The following CYP19A1 variants were observed in gnomAD, a reference collection of about 807,000 sequenced individuals.
The protein encoded by CYP19A1 is cytochrome P450 family 19 subfamily A member 1, also known as aromatase.
Under a neutral mutation model 44.4 loss-of-function variants are expected in CYP19A1, and 32 were observed. That is an observed-to-expected ratio of 0.72 (90% CI 0.54 to 0.97). The LOEUF (loss-of-function observed/expected upper bound fraction) is 0.97, where lower values mean the gene tolerates loss of function less well. Among genes scored for constraint, CYP19A1 ranks in the 50% least tolerant of loss-of-function variants. The pLI is 0.00. For missense variants in CYP19A1, 598 were observed against 637.8 expected, an observed-to-expected ratio of 0.94 and a Z score of 0.67; for synonymous variants, 212 against 215.6, an observed-to-expected ratio of 0.98 and a Z score of 0.14.
At chr15:51,286,457 G>C (rs776688311) in intron 1 of CYP19A1, among the ~76,000 whole-genome samples, 1 of 152,142 alleles carries the variant, frequency 6.6e-6, no homozygotes, top group Non-Finnish European at 1.5e-5. Context: ...CCCCTGGAAG[G>C]TTGATTCCTA....
chr15:51,258,619 T>G (rs1285703771), intron 1 of CYP19A1, among the ~76,000 whole-genome samples: 1 of 109,180 alleles, frequency 9.2e-6, no homozygotes, highest in African/African-American at 4.6e-5. Context: ...CAGCAGAGCT[T>G]GGACTGGAGT....
intron 1 of CYP19A1, among the ~76,000 whole-genome samples, chr15:51,317,499 T>G (rs925886564): frequency 3.9e-5 from 6 of 152,232 alleles, no homozygotes; most frequent in Admixed American, 3.3e-4. Context: ...ATGATCTGCT[T>G]TATGCAAGCC....
At chr15:51,227,565 G>A (rs1566879819) in intron 4 of CYP19A1, among the ~76,000 whole-genome samples, 1 of 151,836 alleles carries the variant, frequency 6.6e-6, no homozygotes, top group South Asian at 2.1e-4. Context: ...AGCTACTCGC[G>A]AGGCTGAGGT....
At chr15:51,281,578 T>C (rs1283771625) in intron 1 of CYP19A1, among the ~76,000 whole-genome samples, 1 of 152,178 alleles carries the variant, frequency 6.6e-6, no homozygotes, top group East Asian at 1.9e-4. Flanking sequence ...AACCGCCTTC[T>C]TCAGCTGAGC....
chr15:51,269,964 G>A (rs1296204468), intron 1 of CYP19A1, among the ~76,000 whole-genome samples: 1 of 152,014 alleles, frequency 6.6e-6, no homozygotes, highest in East Asian at 1.9e-4. Flanking sequence ...CTTCTTAAAG[G>A]TTCCTAACAA....
chr15:51,258,491 A>C (rs1201766560), intron 1 of CYP19A1, among the ~76,000 whole-genome samples: 1 of 152,148 alleles, frequency 6.6e-6, no homozygotes, highest in African/African-American at 2.4e-5. Context: ...CCTATAAACT[A>C]TCCTGTATGT....
intron 1 of CYP19A1, among the ~76,000 whole-genome samples, chr15:51,307,467 A>T (rs2036235983): frequency 6.6e-6 from 1 of 152,190 alleles, no homozygotes; most frequent in Non-Finnish European, 1.5e-5. Context: ...ATTCTTACAG[A>T]ATTAGCTCAT....
intron 1 of CYP19A1, among the ~76,000 whole-genome samples, chr15:51,244,293 C>T (rs2033950778): frequency 6.6e-6 from 1 of 152,212 alleles, no homozygotes; most frequent in South Asian, 2.1e-4. Flanking sequence ...CTGTCAACTA[C>T]AAAATTTTTA....
intron 1 of CYP19A1, among the ~76,000 whole-genome samples, chr15:51,265,503 G>A (rs1210303956): frequency 6.6e-6 from 1 of 152,074 alleles, no homozygotes; most frequent in Non-Finnish European, 1.5e-5. Context: ...AGGGAGGCAG[G>A]GTGCTCCTGT....
intron 3 of CYP19A1, among the ~76,000 whole-genome samples, chr15:51,233,752 A>C (rs1426195772): frequency 6.6e-6 from 1 of 152,196 alleles, no homozygotes; most frequent in East Asian, 1.9e-4. Flanking sequence ...GTGATACATA[A>C]ATTTTTTTTG....
intron 1 of CYP19A1, among the ~76,000 whole-genome samples, chr15:51,256,386 T>C (rs2034515566): frequency 6.6e-6 from 1 of 152,168 alleles, no homozygotes; most frequent in African/African-American, 2.4e-5. Context: ...GGGCAGCCAA[T>C]GGTTATTCAG....
intron 1 of CYP19A1, among the ~76,000 whole-genome samples, chr15:51,280,976 A>T (rs1225804670): frequency 6.6e-6 from 1 of 152,156 alleles, no homozygotes; most frequent in African/African-American, 2.4e-5. Context: ...CCTCTGTGGA[A>T]TTGACTGCCA....
At chr15:51,223,115 A>G (rs2032254985) in intron 4 of CYP19A1, among the ~76,000 whole-genome samples, 1 of 152,254 alleles carries the variant, frequency 6.6e-6, no homozygotes, top group African/African-American at 2.4e-5. Context: ...AGCCAATGGC[A>G]TGACAGCTAA....
chr15:51,246,216 C>T (rs918661221), intron 1 of CYP19A1, among the ~76,000 whole-genome samples: 1 of 152,152 alleles, frequency 6.6e-6, no homozygotes, highest in Non-Finnish European at 1.5e-5. Context: ...AGAACTTGCA[C>T]AGAGGTTGTT....
At chr15:51,281,571 C>T (rs529552698) in intron 1 of CYP19A1, among the ~76,000 whole-genome samples, 39 of 152,272 alleles carry the variant, frequency 2.6e-4, no homozygotes, top group Admixed American at 9.8e-4. Flanking sequence ...AAAGCACAAC[C>T]GCCTTCTTCA....
At chr15:51,293,796 T>C in intron 1 of CYP19A1, 1 of 168,654 alleles carries the variant, frequency 5.9e-6, no homozygotes, top group Non-Finnish European at 1.2e-5. Context: ...TAATCGCGAG[T>C]GATCCGCCAG....
intron 9 of CYP19A1, among the ~76,000 whole-genome samples, chr15:51,211,457 C>T (rs963212782): frequency 5.3e-5 from 8 of 152,182 alleles, no homozygotes; most frequent in African/African-American, 1.9e-4. Flanking sequence ...GATGTAGATT[C>T]CTGGCCTATT....
At chr15:51,289,167 ACT>A (rs751000634) in intron 1 of CYP19A1, among the ~76,000 whole-genome samples, 24 of 152,120 alleles carry the variant, frequency 1.6e-4, no homozygotes, top group Non-Finnish European at 2.9e-4. Flanking sequence ...TCCCTGTGGT[ACT>A]CTCTCTATGT....
chr15:51,222,372 A>C lies in CYP19A1; in HGVS notation c.605T>G (p.Leu202Arg), dbSNP rs1355607225. The change falls in exon 5 of 10, where the codon CTC (leucine) becomes CGC (arginine). Residue 202 changes from leucine (L) to arginine (R), a missense_variant. Transcript: ENST00000396402. The stretch of plus-strand genomic sequence containing the variant: ...ACCGTCCAAAGGGATCCTCAAGAAG[A>C]GCGTGTTAGAGGTGTCCAGCATGAC... ...RRVMLDTSNT[L>R]FLRIPLDESA... 6.2e-7 allele frequency: 1 copy of C among 1,614,160 alleles called. No homozygotes were observed.
Sources: gnomAD v4.1 joint callset for allele counts (sites outside exome capture counted in the v4.1 genomes callset) on GRCh38, gnomAD v4.1.1 for gene constraint, MANE v1.5 for transcripts, NCBI Gene and HGNC (gene_info 2026-07-23, HGNC 2026-07-21) for gene names.